FRAT1: variants seen among roughly 807,000 people sequenced by gnomAD.
The protein encoded by FRAT1 is proto-oncogene FRAT1.
FRAT1 carries 9 observed loss-of-function variants against 16.9 expected under a neutral mutation model. That is an observed-to-expected ratio of 0.53 (90% CI 0.32 to 0.93). The LOEUF is 0.93. Ranked by LOEUF, FRAT1 falls within the 40% of genes least tolerant of loss-of-function variation. FRAT1 has a pLI of 0.04. For synonymous variants in FRAT1, 191 were observed against 202.1 expected (o/e 0.95, Z 0.46); for missense variants, 354 against 402.8 (o/e 0.88, Z 1.04).
rs996211374 is a variant in FRAT1, at chr10:97,319,387, A to C, written c.-67A>C. ...CTCCGCGCCCGCTCCGCCGCGGCCC[A>C]CCGCGCCCGCCGGCAGCCGAGCCCC... On this transcript the variant is annotated 5_prime_UTR_variant, in exon 1 of 1. Transcript: ENST00000371021. 1.6e-6 allele frequency: 2 copies of C among 1,272,642 alleles called. No homozygotes were observed. Among genetic ancestry groups the C allele is most frequent in the Non-Finnish European group, 2.0e-6 (2 of 1,011,894 alleles). The allele number at this position is 1,272,642 out of a possible 1,614,324, so 78.8% of individuals were successfully genotyped here.
At position 97,319,391 on chromosome 10, in the gene FRAT1, C is replaced by T; in HGVS notation, c.-63C>T. ...GCGCCCGCTCCGCCGCGGCCCACCG[C>T]GCCCGCCGGCAGCCGAGCCCCCAGC... On this transcript the variant is annotated 5_prime_UTR_variant, in exon 1 of 1. Transcript: ENST00000371021. 3.1e-6 allele frequency: 4 copies of T among 1,276,632 alleles called. No individual in the cohort carries two copies. The highest frequency in any genetic ancestry group is 3.9e-6 in the Non-Finnish European group (4 of 1,013,762). The allele number at this position is 1,276,632 out of a possible 1,614,324, so 79.1% of individuals were successfully genotyped here.
chr10:97,320,011 C>T lies in FRAT1; in HGVS notation c.558C>T (p.Arg186=). ...AAASRRLQQR[R]GSQPETRTGD... ...CCTCCCGCCGCCTGCAGCAGCGACG[C>T]GGGTCCCAACCAGAAACCCGCACAG... Residue 186 remains arginine (R), a synonymous_variant, in exon 1 of 1, where the codon CGC becomes CGT. Coordinates refer to ENST00000371021, the MANE Select transcript of FRAT1 (RefSeq NM_005479.4). The T allele has an allele frequency of 6.4e-7, 1 of 1,556,966 alleles. No homozygotes were observed. Among genetic ancestry groups the T allele is most frequent in the Non-Finnish European group, 8.7e-7 (1 of 1,151,462 alleles).
rs761169300 is a variant in FRAT1, at chr10:97,319,991, C to T, written c.538C>T (p.Arg180Cys). Residue 180 changes from arginine (R) to cysteine (C), a missense_variant, in exon 1 of 1, where the codon CGC becomes TGC. Arg to Cys is a radical substitution (Grantham distance 180). This residue lies in a region of FRAT1 where 286 missense variants were observed against 311.0 expected (regional missense o/e 0.92). Transcript: ENST00000371021. ...ATGGCTCCGGGGCGCCGCCGCCTCC[C>T]GCCGCCTGCAGCAGCGACGCGGGTC... ...RGWLRGAAAS[R>C]RLQQRRGSQP... 3 of 1,549,136 alleles carry T rather than the reference C, an allele frequency of 1.9e-6. No individual in the cohort carries two copies. The highest frequency in any genetic ancestry group is 2.0e-5 in the Admixed American group (1 of 51,240).
chr10:97,320,581 GA>G lies in FRAT1; in HGVS notation c.*289del. The G allele has an allele frequency of 2.5e-6, 1 of 395,230 alleles. No homozygotes were observed. Among genetic ancestry groups the G allele is most frequent in the South Asian group, 6.2e-5 (1 of 16,024 alleles). 24.5% of individuals were successfully genotyped at this position (395,230 alleles called of 1,614,324 possible). A position where few individuals can be genotyped will look rare whatever the true frequency, so the allele number is the denominator to read the frequency against. On this transcript the variant is annotated 3_prime_UTR_variant, in exon 1 of 1. Coordinates refer to ENST00000371021, the MANE Select transcript of FRAT1 (RefSeq NM_005479.4). ...TTTGGCGTGACCCGACCTGGCCGCG[GA>G]GCCTGCATTTCCTCGCAGCCTCTCA...
Position 97,319,469 on chromosome 10 carries a change from G to C in FRAT1, c.16G>C (p.Glu6Gln). 2 of 1,451,144 alleles carry C rather than the reference G, an allele frequency of 1.4e-6. No homozygotes were observed. The highest frequency in any genetic ancestry group is 6.1e-5 in the East Asian group (2 of 32,912). The allele number at this position is 1,451,144 out of a possible 1,614,324, so 89.9% of individuals were successfully genotyped here. The change falls in exon 1 of 1, where the codon GAG (glutamate) becomes CAG (glutamine). Residue 6 changes from glutamate to glutamine, a missense_variant. Physicochemically the swap from Glu to Gln is conservative, Grantham distance 29 (BLOSUM62 2). Coordinates refer to ENST00000371021, the MANE Select transcript of FRAT1 (RefSeq NM_005479.4). ...ACAGGGGGCCATGCCGTGCCGGAGG[G>C]AGGAGGAAGAGGAAGCCGGCGAGGA... MPCRR[E>Q]EEEEAGEEAE...
In FRAT1 at chr10:97,319,741, G is replaced by A. The variant is rs762452955; in HGVS notation, c.288G>A (p.Pro96=). ...CCCCGGCGGTGCCGCTGCTGCTGCC[G>A]CCCGCGTTGGCGGAGACTGTGGGCC... ...ARSPAVPLLL[P]PALAETVGPA... The change falls in exon 1 of 1, where the codon CCG becomes CCA. Residue 96 remains proline, a synonymous_variant. Transcript: ENST00000371021. 25 of 1,203,272 alleles carry A rather than the reference G, an allele frequency of 2.1e-5. No homozygotes were observed. The highest frequency in any genetic ancestry group is 2.6e-5 in the Non-Finnish European group (25 of 970,956). The allele number at this position is 1,203,272 out of a possible 1,614,324, so 74.5% of individuals were successfully genotyped here.
At position 97,319,408 on chromosome 10, in the gene FRAT1, G is replaced by GC; in HGVS notation, c.-41dup. ...GCCCACCGCGCCCGCCGGCAGCCGA[G>GC]CCCCCAGCGACGCCCGCACAGCTCC... On this transcript the variant is annotated 5_prime_UTR_variant, in exon 1 of 1. Transcript: ENST00000371021. 1 of 1,295,320 alleles carries GC rather than the reference G, an allele frequency of 7.7e-7. No homozygotes were observed. Among genetic ancestry groups the GC allele is most frequent in the South Asian group, 2.3e-5 (1 of 43,950 alleles). The allele number at this position is 1,295,320 out of a possible 1,614,324, so 80.2% of individuals were successfully genotyped here.
In FRAT1 at chr10:97,319,309, G is replaced by A. The variant is rs939533630; in HGVS notation, c.-145G>A. 1.4e-5 allele frequency: 16 copies of A among 1,114,588 alleles called. No homozygotes were observed. Among genetic ancestry groups the A allele is most frequent in the Admixed American group, 4.4e-5 (1 of 22,874 alleles). 69.0% of individuals were successfully genotyped at this position (1,114,588 alleles called of 1,614,324 possible). On this transcript the variant is annotated 5_prime_UTR_variant, in exon 1 of 1. Coordinates refer to ENST00000371021, the MANE Select transcript of FRAT1 (RefSeq NM_005479.4). ...TGCAGGCGCGCGGCTAGAGTGCCTG[G>A]CGGGCTCCGGCTTCCGCGTCCGCCC... is the stretch of plus-strand genomic sequence containing the variant.
Position 97,320,435 on chromosome 10 carries a change from G to GC in FRAT1, c.*143dup. On this transcript the variant is annotated 3_prime_UTR_variant, in exon 1 of 1. Coordinates refer to ENST00000371021, the MANE Select transcript of FRAT1 (RefSeq NM_005479.4). ...GCTAATGACGAGGAACCGAAAAATC[G>GC]CGAGTGTTTCGCGGGTAACTGGGGT... 1.1e-6 allele frequency: 1 copy of GC among 905,628 alleles called. No homozygotes were observed. Among genetic ancestry groups the GC allele is most frequent in the Non-Finnish European group, 1.6e-6 (1 of 615,012 alleles). 56.1% of individuals were successfully genotyped at this position (905,628 alleles called of 1,614,324 possible).
chr10:97,319,849 G>A lies in FRAT1; in HGVS notation c.396G>A (p.Glu132=), dbSNP rs1371654066. ...RGRAAPYCVA[E]LATGPSALSP... ...GCGCTGCGCCCTACTGCGTGGCCGA[G>A]CTCGCCACAGGCCCCAGCGCGCTGT... Residue 132 remains glutamate, a synonymous_variant, in exon 1 of 1, where the codon GAG becomes GAA. Transcript: ENST00000371021. The A allele has an allele frequency of 4.0e-5, 60 of 1,489,198 alleles. No individual in the cohort carries two copies. The highest frequency in any genetic ancestry group is 2.4e-4 in the Middle Eastern group (1 of 4,236). 92.2% of individuals were successfully genotyped at this position (1,489,198 alleles called of 1,614,324 possible).
chr10:97,319,481 G>A lies in FRAT1; in HGVS notation c.28G>A (p.Glu10Lys). 5 of 1,467,476 alleles carry A rather than the reference G, an allele frequency of 3.4e-6. No individual in the cohort carries two copies. Among genetic ancestry groups the A allele is most frequent in the South Asian group, 1.3e-5 (1 of 77,494 alleles). 90.9% of individuals were successfully genotyped at this position (1,467,476 alleles called of 1,614,324 possible). The change falls in exon 1 of 1, where the codon GAA (glutamate) becomes AAA (lysine). Residue 10 changes from glutamate (E) to lysine (K), a missense_variant. Glu to Lys is a moderately conservative substitution (Grantham distance 56, BLOSUM62 1). This residue lies in a region of FRAT1 where 46 missense variants were observed against 37.7 expected (regional missense o/e 1.22). Coordinates refer to ENST00000371021, the MANE Select transcript of FRAT1 (RefSeq NM_005479.4). Reference sequence around the variant, plus strand: ...GCCGTGCCGGAGGGAGGAGGAAGAGGAAGCCGGCGAGGAGGCGGAGGGGGA... The same window carrying A: ...GCCGTGCCGGAGGGAGGAGGAAGAGAAAGCCGGCGAGGAGGCGGAGGGGGA... MPCRREEEE[E>K]AGEEAEGEEE...
chr10:97,319,793 G>C lies in FRAT1; in HGVS notation c.340G>C (p.Ala114Pro). ...GGCGCCCCCTGGGGTCCTGCGCTGC[G>C]CCCTGGGGGACCGCGGCCGCGTGCG... ...GPAPPGVLRCALGDRGRVRGR... is the reference protein window; with the variant it reads ...GPAPPGVLRCPLGDRGRVRGR... Residue 114 changes from alanine to proline, a missense_variant, in exon 1 of 1, where the codon GCC becomes CCC. Coordinates refer to ENST00000371021, the MANE Select transcript of FRAT1 (RefSeq NM_005479.4). The C allele has an allele frequency of 5.2e-6, 7 of 1,335,192 alleles. No individual in the cohort carries two copies. Among genetic ancestry groups the C allele is most frequent in the Non-Finnish European group, 6.6e-6 (7 of 1,053,330 alleles). 82.7% of individuals were successfully genotyped at this position (1,335,192 alleles called of 1,614,324 possible).
At position 97,320,306 on chromosome 10, in the gene FRAT1, G is replaced by T; in HGVS notation, c.*13G>T. 1 of 1,549,388 alleles carries T rather than the reference G, an allele frequency of 6.5e-7. No homozygotes were observed. Among genetic ancestry groups the T allele is most frequent in the Middle Eastern group, 1.9e-4 (1 of 5,168 alleles). On this transcript the variant is annotated 3_prime_UTR_variant, in exon 1 of 1. Transcript: ENST00000371021. ...GCCTGGCAGCTAACACGCCCGGGGT[G>T]GCCACAGCGCCAGCCTCAGACTGGA...
In FRAT1 at chr10:97,319,814, G is replaced by A; in HGVS notation, c.361G>A (p.Val121Met). 1 of 1,359,974 alleles carries A rather than the reference G, an allele frequency of 7.4e-7. No individual in the cohort carries two copies. Among genetic ancestry groups the A allele is most frequent in the Non-Finnish European group, 9.4e-7 (1 of 1,067,480 alleles). The allele number at this position is 1,359,974 out of a possible 1,614,324, so 84.2% of individuals were successfully genotyped here. ...CTGCGCCCTGGGGGACCGCGGCCGCGTGCGGGGCCGCGCTGCGCCCTACTG... is the reference window on the plus strand; with the variant it reads ...CTGCGCCCTGGGGGACCGCGGCCGCATGCGGGGCCGCGCTGCGCCCTACTG... ...LRCALGDRGR[V>M]RGRAAPYCVA... The change falls in exon 1 of 1, where the codon GTG becomes ATG. Residue 121 changes from valine (V) to methionine (M), a missense_variant. Physicochemically the swap from Val to Met is conservative, Grantham distance 21. This residue lies in a region of FRAT1 where 286 missense variants were observed against 311.0 expected (regional missense o/e 0.92). Transcript: ENST00000371021.
rs550919413 is a variant in FRAT1 at position 97,321,100 on chromosome 10, G to A, written c.*807G>A. On this transcript the variant is annotated 3_prime_UTR_variant, in exon 1 of 1. Coordinates refer to ENST00000371021, the MANE Select transcript of FRAT1 (RefSeq NM_005479.4). ...TTCCTGGGCACGCACTGGGTTGCGG[G>A]ACAGAGTAGCCAGGTTCTGCCGGTG... 1.2e-5 allele frequency: 2 copies of A among 167,282 alleles called. No homozygotes were observed. Among genetic ancestry groups the A allele is most frequent in the South Asian group, 4.1e-4 (2 of 4,838 alleles). The allele number at this position is 167,282 out of a possible 1,614,324, so 10.4% of individuals were successfully genotyped here.
Position 97,321,366 on chromosome 10 carries a change from G to C in FRAT1, c.*1073G>C, listed in dbSNP as rs535664450. 1 of 167,556 alleles carries C rather than the reference G, an allele frequency of 6.0e-6. No individual in the cohort carries two copies. The highest frequency in any genetic ancestry group is 1.9e-4 in the East Asian group (1 of 5,190). The allele number at this position is 167,556 out of a possible 1,614,324, so 10.4% of individuals were successfully genotyped here. On this transcript the variant is annotated 3_prime_UTR_variant, in exon 1 of 1. Coordinates refer to ENST00000371021, the MANE Select transcript of FRAT1 (RefSeq NM_005479.4). ...GGTGGCTCTGGGATCCTGGGGGCCT[G>C]GGTTGGGGGCTAGGGAGACGCCATG...
rs1348380981 is a variant in FRAT1 at position 97,319,965 on chromosome 10, G to T, written c.512G>T (p.Gly171Val). Reference sequence around the variant, plus strand: ...CCGCTGTCGGGTCCGTGCCGGCGAGGATGGCTCCGGGGCGCCGCCGCCTCC... The same window carrying T: ...CCGCTGTCGGGTCCGTGCCGGCGAGTATGGCTCCGGGGCGCCGCCGCCTCC... ...PQPLSGPCRRGWLRGAAASRR... is the reference protein window; with the variant it reads ...PQPLSGPCRRVWLRGAAASRR... The change falls in exon 1 of 1, where the codon GGA becomes GTA. Residue 171 changes from glycine to valine, a missense_variant. Transcript: ENST00000371021. 1.3e-6 allele frequency: 2 copies of T among 1,541,854 alleles called. No homozygotes were observed. The highest frequency in any genetic ancestry group is 1.2e-5 in the South Asian group (1 of 84,178).
At position 97,319,712 on chromosome 10, in the gene FRAT1, A is replaced by C; in HGVS notation, c.259A>C (p.Arg87=). 8.5e-7 allele frequency: 1 copy of C among 1,181,638 alleles called. No individual in the cohort carries two copies. The highest frequency in any genetic ancestry group is 1.0e-6 in the Non-Finnish European group (1 of 957,336). 73.2% of individuals were successfully genotyped at this position (1,181,638 alleles called of 1,614,324 possible). A position where few individuals can be genotyped will look rare whatever the true frequency, so the allele number is the denominator to read the frequency against. Reference sequence around the variant, plus strand: ...TGCGGCGGTGCCGGCGGACAAGGCCAGGTCCCCGGCGGTGCCGCTGCTGCT... The same window carrying C: ...TGCGGCGGTGCCGGCGGACAAGGCCCGGTCCCCGGCGGTGCCGCTGCTGCT... The part of the protein sequence containing the change: ...LAAAVPADKA[R]SPAVPLLLPP... The change falls in exon 1 of 1, where the codon AGG becomes CGG. Residue 87 remains arginine (R), a synonymous_variant. Coordinates refer to ENST00000371021, the MANE Select transcript of FRAT1 (RefSeq NM_005479.4).
chr10:97,320,807 C>T lies in FRAT1; in HGVS notation c.*514C>T, dbSNP rs1843454567. 1 of 169,354 alleles carries T rather than the reference C, an allele frequency of 5.9e-6. No individual in the cohort carries two copies. The highest frequency in any genetic ancestry group is 6.5e-5 in the Admixed American group (1 of 15,326). 10.5% of individuals were successfully genotyped at this position (169,354 alleles called of 1,614,324 possible). ...CAGACTTAAAAAAACCATCTTGTGTCTTTGGAGGTGCTGCTTAATACCAAA... is the reference window on the plus strand; with the variant it reads ...CAGACTTAAAAAAACCATCTTGTGTTTTTGGAGGTGCTGCTTAATACCAAA... On this transcript the variant is annotated 3_prime_UTR_variant, in exon 1 of 1. Transcript: ENST00000371021.
Sources: allele counts gnomAD v4.1 joint callset, GRCh38; gene constraint gnomAD v4.1.1; regional missense constraint gnomAD v4.1.1; transcripts MANE v1.5; gene names NCBI Gene and HGNC (gene_info 2026-07-23, HGNC 2026-07-21).